Variants in VPS13D observed in about 807,000 individuals in gnomAD.
VPS13D encodes the protein intermembrane lipid transfer protein VPS13D.
VPS13D carries 187 observed loss-of-function variants against 461.9 expected under a neutral mutation model. The observed-to-expected ratio is 0.40, with a 90% CI of 0.36 to 0.46. The LOEUF is 0.46. VPS13D is among the 20% of genes least tolerant of loss of function. The probability of loss-of-function intolerance (pLI) is 0.60; values close to 1 mark genes in which losing one functional copy is unlikely to be tolerated. For missense variants in VPS13D, 4,711 were observed against 5,364.9 expected (o/e 0.88, Z 3.81); for synonymous variants, 1,951 against 1,986.3 (o/e 0.98, Z 0.47).
At chr1:12,370,126 G>A (rs1644096364) in intron 54 of VPS13D, among the ~76,000 whole-genome samples, 1 of 152,142 alleles carries the variant, frequency 6.6e-6, no homozygotes, top group Non-Finnish European at 1.5e-5. Context: ...TTCACCTAAA[G>A]CCAAATATAG....
chr1:12,323,933 A>G (rs1049941787), intron 35 of VPS13D, among the ~76,000 whole-genome samples, 153 bp downstream of exon 35: 5 of 152,098 alleles, frequency 3.3e-5, no homozygotes, highest in African/African-American at 9.7e-5. Flanking sequence ...ATCTTAGGTC[A>G]GTAATAATAA....
chr1:12,328,900 A>G (rs556492125), intron 36 of VPS13D, among the ~76,000 whole-genome samples: 1 of 152,168 alleles, frequency 6.6e-6, no homozygotes, highest in Non-Finnish European at 1.5e-5. Context: ...TTAACTTTCC[A>G]TTGTTTCGAT....
At chr1:12,329,554 G>A (rs1250026227) in intron 36 of VPS13D, among the ~76,000 whole-genome samples, 1 of 152,202 alleles carries the variant, frequency 6.6e-6, no homozygotes. Flanking sequence ...GGTACACCTG[G>A]GTGCCAGGGC....
At chr1:12,368,778 T>C (rs1260258312) in intron 53 of VPS13D, among the ~76,000 whole-genome samples, 187 bp downstream of exon 53, 1 of 152,238 alleles carries the variant, frequency 6.6e-6, no homozygotes, top group African/African-American at 2.4e-5. Context: ...GCTGGTTATT[T>C]TGATTGCTAG....
At chr1:12,345,149 G>A in intron 42 of VPS13D, 1 of 455,822 alleles carries the variant, frequency 2.2e-6, no homozygotes, top group Non-Finnish European at 3.9e-6. Flanking sequence ...GAGGATAAAT[G>A]CCACTCTTAC....
At chr1:12,281,130 T>C (rs1015667372) in intron 20 of VPS13D, among the ~76,000 whole-genome samples, 1 of 152,018 alleles carries the variant, frequency 6.6e-6, no homozygotes, top group African/African-American at 2.4e-5. Flanking sequence ...CACCCCTATG[T>C]ATTTAGAGTG....
chr1:12,339,911 C>T (rs1170879525), intron 40 of VPS13D, among the ~76,000 whole-genome samples: 2 of 152,182 alleles, frequency 1.3e-5, no homozygotes. Flanking sequence ...AGCCATCTGC[C>T]ACCTGTTCTT....
At position 12,507,754 on chromosome 1, in the gene VPS13D, C is replaced by T. The variant is rs1646131829; in HGVS notation, c.13035+661C>T. 6.6e-6 allele frequency among the ~76,000 whole-genome samples: 1 copy of T among 152,216 alleles called. No homozygotes were observed. Among genetic ancestry groups the T allele is most frequent in the Admixed American group, 6.5e-5 (1 of 15,286 alleles). ...GATTCATTCAAGGCTACACAGCTGACCTTGAGGAGCCGGGGTTCAAATCCG... is the reference window on the plus strand; with the variant it reads ...GATTCATTCAAGGCTACACAGCTGATCTTGAGGAGCCGGGGTTCAAATCCG... On this transcript the variant is annotated intron_variant, in intron 69 of 69. Transcript: ENST00000620676. The surrounding 1 kb of genome is among the most constrained non-coding windows in gnomAD (Gnocchi z 5.3).
chr1:12,329,740 T>C, intron 36 of VPS13D, 89 bp from the exon 37 acceptor site: 1 of 884,920 alleles, frequency 1.1e-6, no homozygotes, highest in Non-Finnish European at 1.8e-6. Context: ...TTGCGAGTAT[T>C]AGCTCTAATG....
chr1:12,253,200 G>A (rs1259721454), intron 6 of VPS13D, among the ~76,000 whole-genome samples: 1 of 151,836 alleles, frequency 6.6e-6, no homozygotes, highest in Non-Finnish European at 1.5e-5. Context: ...GATTTACATA[G>A]CATTTATGTT....
At chr1:12,340,471 A>G (rs1557719692) in intron 40 of VPS13D, among the ~76,000 whole-genome samples, 1 of 152,210 alleles carries the variant, frequency 6.6e-6, no homozygotes, top group Non-Finnish European at 1.5e-5. Flanking sequence ...GAGGTAAGAG[A>G]AAAAAGGGAG....
At chr1:12,308,244 A>G (rs1185929814) in intron 26 of VPS13D, among the ~76,000 whole-genome samples, 187 bp from the exon 27 acceptor site, 1 of 152,132 alleles carries the variant, frequency 6.6e-6, no homozygotes, top group African/African-American at 2.4e-5. Flanking sequence ...GCTTTGCATA[A>G]GGAGGTCTGG....
intron 62 of VPS13D, among the ~76,000 whole-genome samples, chr1:12,402,930 G>T (rs1644599255): frequency 6.6e-6 from 1 of 152,122 alleles, no homozygotes; most frequent in East Asian, 1.9e-4. Context: ...TGGGACAGAG[G>T]CAGCATGCAG....
At chr1:12,312,787 A>G (rs1642790801) in intron 29 of VPS13D, among the ~76,000 whole-genome samples, 1 of 152,188 alleles carries the variant, frequency 6.6e-6, no homozygotes, top group Non-Finnish European at 1.5e-5. Flanking sequence ...AGGATTTTAT[A>G]TAAAAGGTTT....
chr1:12,247,138 T>C (rs1640576784), intron 5 of VPS13D, among the ~76,000 whole-genome samples: 1 of 152,130 alleles, frequency 6.6e-6, no homozygotes, highest in Admixed American at 6.6e-5. Context: ...TCAACATTTA[T>C]TATTGATTAT....
At chr1:12,508,001 CT>C (rs1646135486) in intron 69 of VPS13D, among the ~76,000 whole-genome samples, 1 of 152,242 alleles carries the variant, frequency 6.6e-6, no homozygotes, top group African/African-American at 2.4e-5. Flanking sequence ...TATTGGGCCT[CT>C]CTCCTCCGGA....
intron 52 of VPS13D, among the ~76,000 whole-genome samples, chr1:12,367,052 C>G (rs562899067): frequency 1.3e-5 from 2 of 152,254 alleles, no homozygotes; most frequent in African/African-American, 4.8e-5. Flanking sequence ...CATAGCAACT[C>G]CCTTCCCATT....
chr1:12,310,801 C>A (rs796376937), intron 27 of VPS13D, among the ~76,000 whole-genome samples: 1 of 123,762 alleles, frequency 8.1e-6, no homozygotes, highest in Non-Finnish European at 1.7e-5. Context: ...CCTTCCCTCC[C>A]TCCCTCCCTC....
intron 63 of VPS13D, among the ~76,000 whole-genome samples, chr1:12,411,855 C>T (rs904546596): frequency 6.6e-6 from 1 of 152,168 alleles, no homozygotes; most frequent in Non-Finnish European, 1.5e-5. Flanking sequence ...CTCCCATCTT[C>T]AAGGAAGCTA....
Sources: gnomAD v4.1 joint callset for allele counts (sites outside exome capture counted in the v4.1 genomes callset) on GRCh38, gnomAD v4.1.1 for gene constraint, Gnocchi (gnomAD v3.1) non-coding constraint, MANE v1.5 for transcripts, NCBI Gene and HGNC (gene_info 2026-07-23, HGNC 2026-07-21) for gene names.